Variants in EXOC2 observed in about 807,000 individuals in gnomAD.
The protein encoded by EXOC2 is exocyst complex component 2.
Under a neutral mutation model 131.8 loss-of-function variants are expected in EXOC2, and 70 were observed. The observed-to-expected ratio is 0.53, with a 90% CI of 0.44 to 0.65. The LOEUF is 0.65. Ranked by LOEUF, EXOC2 falls within the 30% of genes least tolerant of loss-of-function variation. The probability of loss-of-function intolerance (pLI) is 0.00; values close to 1 mark genes in which losing one functional copy is unlikely to be tolerated. For missense variants in EXOC2, 923 were observed against 1,108.6 expected (o/e 0.83, Z 2.38); for synonymous variants, 411 against 398.4 (o/e 1.03, Z -0.38).
chr6:598,219 G>GGTGA (rs1759928538), intron 9 of EXOC2, 96 bp from the exon 10 acceptor site: 30 of 874,866 alleles, frequency 3.4e-5, no homozygotes, highest in Non-Finnish European at 5.1e-5. Context: ...TGGGGTGAGG[G>GGTGA]CTAAGAGGCA....
intron 22 of EXOC2, among the ~76,000 whole-genome samples, chr6:538,350 A>C (rs1766590437): frequency 6.6e-6 from 1 of 152,342 alleles, no homozygotes; most frequent in East Asian, 1.9e-4. Context: ...TGAACATAGA[A>C]AACTGGGTCT....
At chr6:547,729 G>A (rs921992024) in intron 22 of EXOC2, among the ~76,000 whole-genome samples, 7 of 151,806 alleles carry the variant, frequency 4.6e-5, no homozygotes, top group Admixed American at 2.0e-4. Flanking sequence ...TATTCAAGAC[G>A]GTCGATGAAA....
chr6:552,314 T>C (rs902628517), intron 21 of EXOC2, among the ~76,000 whole-genome samples: 9 of 152,248 alleles, frequency 5.9e-5, no homozygotes, highest in African/African-American at 1.9e-4. Context: ...CGTTCCCTAA[T>C]GCTTTGCACT....
intron 1 of EXOC2, among the ~76,000 whole-genome samples, chr6:662,168 A>G (rs951873909): frequency 6.6e-6 from 1 of 152,190 alleles, no homozygotes; most frequent in African/African-American, 2.4e-5. Context: ...TTACTAATAG[A>G]TCTAAGCAAT....
intron 1 of EXOC2, chr6:656,344 G>A (rs576529864): frequency 6.2e-7 from 1 of 1,614,144 alleles, no homozygotes; most frequent in South Asian, 1.1e-5. Flanking sequence ...AAATAACTTT[G>A]AATGGACACC....
intron 22 of EXOC2, among the ~76,000 whole-genome samples, chr6:540,207 A>G (rs969380803): frequency 2.0e-5 from 3 of 152,116 alleles, no homozygotes; most frequent in Non-Finnish European, 4.4e-5. Flanking sequence ...CACCCACCTC[A>G]GCCTCCCAGA....
chr6:658,670 T>TATATATATATA (rs1332684843), intron 1 of EXOC2, among the ~76,000 whole-genome samples: 3 of 137,154 alleles, frequency 2.2e-5, no homozygotes, highest in Non-Finnish European at 3.1e-5. Context: ...TATATATTTT[T>TATATATATATA]TTTTTTTTTA....
chr6:532,353 A>C, intron 23 of EXOC2, 116 bp downstream of exon 23: 1 of 1,118,486 alleles, frequency 8.9e-7, no homozygotes. Context: ...AAATCAAATT[A>C]ATCTCTCACT....
chr6:487,108 G>A (rs1471415653), intron 27 of EXOC2, among the ~76,000 whole-genome samples: 1 of 152,000 alleles, frequency 6.6e-6, no homozygotes, highest in East Asian at 1.9e-4. Flanking sequence ...CTTTTTGTTA[G>A]ATGGTTCTAT....
intron 1 of EXOC2, among the ~76,000 whole-genome samples, chr6:692,388 C>A (rs1156826459): frequency 5.9e-5 from 9 of 152,210 alleles, no homozygotes; most frequent in Admixed American, 2.6e-4. Context: ...TGCTGGTGTG[C>A]GGACCTGGAG....
At chr6:592,419 T>C (rs1368296689) in intron 11 of EXOC2, 50 bp downstream of exon 11, 4 of 1,474,104 alleles carry the variant, frequency 2.7e-6, no homozygotes, top group Non-Finnish European at 3.8e-6. Context: ...CCAGAATGCA[T>C]CAAAATGACA....
rs189938114 is a variant in EXOC2 at position 574,873 on chromosome 6, T to C, written c.1318+1884A>G. Reference sequence around the variant, plus strand: ...TGGAGACAGCAGTTACAGACTCCTCTCCCCAACAGTAGTTGGTAATGCCTG... The same window carrying C: ...TGGAGACAGCAGTTACAGACTCCTCCCCCCAACAGTAGTTGGTAATGCCTG... On this transcript the variant is annotated intron_variant, in intron 12 of 27. Coordinates refer to ENST00000230449, the MANE Select transcript of EXOC2 (RefSeq NM_018303.6). Among the ~76,000 whole-genome samples the C allele has an allele frequency of 2.2e-3, 333 of 152,376 alleles. 3 individuals carry two copies. The highest frequency in any genetic ancestry group is 7.8e-3 in the African/African-American group (324 of 41,588).
chr6:585,402 C>A (rs974806408), intron 11 of EXOC2, among the ~76,000 whole-genome samples: 3 of 152,082 alleles, frequency 2.0e-5, no homozygotes, highest in Admixed American at 2.0e-4. Context: ...TGTTATACTC[C>A]GAAGGGCACC....
intron 11 of EXOC2, among the ~76,000 whole-genome samples, chr6:577,259 T>C (rs1244189017): frequency 1.3e-5 from 2 of 152,160 alleles, no homozygotes; most frequent in African/African-American, 4.8e-5. Context: ...TGCCACACTT[T>C]ACACTTAAAT....
At chr6:582,234 A>G (rs1006325861) in intron 11 of EXOC2, among the ~76,000 whole-genome samples, 2 of 47,606 alleles carry the variant, frequency 4.2e-5, no homozygotes, top group African/African-American at 2.0e-4. Flanking sequence ...GATTTTCAAT[A>G]GTCGGTATTT....
chr6:552,733 A>C (rs1311868838), intron 21 of EXOC2, among the ~76,000 whole-genome samples: 2 of 152,144 alleles, frequency 1.3e-5, no homozygotes, highest in Non-Finnish European at 2.9e-5. Flanking sequence ...AATCTAGAAT[A>C]ATTTTTTAAA....
intron 1 of EXOC2, among the ~76,000 whole-genome samples, chr6:638,275 C>T (rs1439765287): frequency 2.0e-5 from 3 of 152,222 alleles, no homozygotes; most frequent in Non-Finnish European, 4.4e-5. Context: ...CACTTACATT[C>T]CCACAGGTGT....
chr6:486,522 T>C lies in EXOC2; in HGVS notation c.*149A>G. 1 of 648,938 alleles carries C rather than the reference T, an allele frequency of 1.5e-6. No individual in the cohort carries two copies. The highest frequency in any genetic ancestry group is 2.7e-6 in the Non-Finnish European group (1 of 374,530). The allele number at this position is 648,938 out of a possible 1,614,324, so 40.2% of individuals were successfully genotyped here. A position where few individuals can be genotyped will look rare whatever the true frequency, so the allele number is the denominator to read the frequency against. On this transcript the variant is annotated 3_prime_UTR_variant, in exon 28 of 28. Coordinates refer to ENST00000230449, the MANE Select transcript of EXOC2 (RefSeq NM_018303.6). The stretch of plus-strand genomic sequence containing the variant: ...TCAAATGAGGTCATTTTGGTTGAAA[T>C]GTATACCAACAATTTTCGAAGTCAG...
At chr6:659,297 A>G (rs1314212385) in intron 1 of EXOC2, among the ~76,000 whole-genome samples, 2 of 152,244 alleles carry the variant, frequency 1.3e-5, no homozygotes, top group Non-Finnish European at 2.9e-5. Flanking sequence ...GTAACTAATG[A>G]CGAATCCTCT....
Sources: allele counts gnomAD v4.1 joint callset (sites outside exome capture counted in the v4.1 genomes callset), GRCh38; gene constraint gnomAD v4.1.1; transcripts MANE v1.5; gene names NCBI Gene and HGNC (gene_info 2026-07-23, HGNC 2026-07-21).